Variants in ANO4 observed in about 807,000 individuals in gnomAD.
ANO4 encodes anoctamin 4, also known as anoctamin-4.
A neutral mutation model predicts 141.9 loss-of-function variants in ANO4; 69 were observed. The observed-to-expected ratio is 0.49, with a 90% CI of 0.40 to 0.59. The LOEUF is 0.59. Ranked by LOEUF, ANO4 falls within the 20% of genes least tolerant of loss-of-function variation. The pLI is 0.00. For missense variants in ANO4, 894 were observed against 1,162.2 expected (o/e 0.77, Z 3.36); for synonymous variants, 350 against 394.3 (o/e 0.89, Z 1.33).
In ANO4 at chr12:101,094,271, G is replaced by T; in HGVS notation, c.1717G>T (p.Ala573Ser). 1 of 1,611,344 alleles carries T rather than the reference G, an allele frequency of 6.2e-7. No individual in the cohort carries two copies. Among genetic ancestry groups the T allele is most frequent in the Non-Finnish European group, 8.5e-7 (1 of 1,177,906 alleles). Residue 573 changes from alanine (A) to serine (S), a missense_variant, in exon 18 of 28, where the codon GCC becomes TCC. Coordinates refer to ENST00000392977, the MANE Select transcript of ANO4 (RefSeq NM_001286615.2). ...TATTTTACAGCTCTATGAAAAAGTT[G>T]CCCTGCTTCTGACGAATTTAGGTGA... ...MLLNVLYEKV[A>S]LLLTNLEQPR...
intron 2 of ANO4, among the ~76,000 whole-genome samples, chr12:100,734,145 G>T (rs1225174139): frequency 6.6e-6 from 1 of 152,148 alleles, no homozygotes; most frequent in African/African-American, 2.4e-5. Flanking sequence ...TGTAGCACCT[G>T]TACTATTATG....
chr12:101,092,417 A>G (rs1005008977), intron 17 of ANO4, among the ~76,000 whole-genome samples: 2 of 152,106 alleles, frequency 1.3e-5, no homozygotes, highest in Admixed American at 6.6e-5. Context: ...GGAAACTTAG[A>G]TTTTCCACTG....
chr12:100,777,919 A>AT (rs373496240), intron 3 of ANO4, among the ~76,000 whole-genome samples: 341 of 134,896 alleles, frequency 2.5e-3, no homozygotes, highest in Middle Eastern at 7.8e-3. Flanking sequence ...AATGCTTACA[A>AT]TTTTTTTTTT....
intron 6 of ANO4, 24 bp downstream of exon 6, chr12:100,971,430 C>T (rs2043931049): frequency 1.4e-6 from 2 of 1,469,878 alleles, no homozygotes; most frequent in Non-Finnish European, 1.9e-6. Context: ...TATTTTATTC[C>T]ACTCTCTCTG....
intron 9 of ANO4, among the ~76,000 whole-genome samples, chr12:101,022,152 A>G (rs534457191): frequency 1.0e-3 from 153 of 152,114 alleles, no homozygotes; most frequent in Non-Finnish European, 1.8e-3. Flanking sequence ...CTGGAATATT[A>G]TGTTTTGTGA....
chr12:100,902,335 T>C (rs999544680), intron 2 of ANO4, among the ~76,000 whole-genome samples: 1 of 152,230 alleles, frequency 6.6e-6, no homozygotes, highest in African/African-American at 2.4e-5. Flanking sequence ...CTGTGATCTC[T>C]TTAAAATATT....
intron 2 of ANO4, among the ~76,000 whole-genome samples, chr12:100,738,585 A>G (rs1195811362): frequency 6.6e-6 from 1 of 152,118 alleles, no homozygotes; most frequent in African/African-American, 2.4e-5. Flanking sequence ...CTGAAATCTT[A>G]GAGAGTCCAG....
chr12:100,928,866 C>A (rs2041978957), intron 3 of ANO4, among the ~76,000 whole-genome samples: 1 of 152,154 alleles, frequency 6.6e-6, no homozygotes, highest in Admixed American at 6.6e-5. Flanking sequence ...TTAATGATCT[C>A]AACCCCATTG....
In ANO4 at chr12:101,080,900, T is replaced by TATATATATACACAC. The variant is rs1194122665; in HGVS notation, c.1395+1626_1395+1627insTATATATACACACA. ...TATATATATTATATATATATATATA[T>TATATATATACACAC]ACATACACATATACATATATATAAA... On this transcript the variant is annotated intron_variant, in intron 15 of 27. Coordinates refer to ENST00000392977, the MANE Select transcript of ANO4 (RefSeq NM_001286615.2). Among the ~76,000 whole-genome samples the TATATATATACACAC allele has an allele frequency of 8.5e-4, 112 of 131,028 alleles. 1 individual carries two copies. Among genetic ancestry groups the TATATATATACACAC allele is most frequent in the Non-Finnish European group, 1.4e-3 (84 of 62,078 alleles). The allele number at this position is 131,028 out of a possible 152,430, so 86.0% of individuals were successfully genotyped here. A position where few individuals can be genotyped will look rare whatever the true frequency, so the allele number is the denominator to read the frequency against.
chr12:100,824,294 G>C (rs1048671912), intron 1 of ANO4, among the ~76,000 whole-genome samples: 1 of 151,972 alleles, frequency 6.6e-6, no homozygotes, highest in Non-Finnish European at 1.5e-5. Context: ...GTACTGCAGA[G>C]TAAGAGATCA....
intron 5 of ANO4, among the ~76,000 whole-genome samples, chr12:100,957,848 C>T (rs984087161): frequency 1.3e-5 from 2 of 152,208 alleles, no homozygotes; most frequent in African/African-American, 4.8e-5. Context: ...GTTGTGGCAA[C>T]ACAAAATAAA....
chr12:100,763,540 C>T (rs1258002233), intron 3 of ANO4, among the ~76,000 whole-genome samples: 3 of 152,236 alleles, frequency 2.0e-5, no homozygotes, highest in Non-Finnish European at 2.9e-5. Flanking sequence ...CCTTACACAT[C>T]ATTCCCCTTC....
chr12:100,831,815 T>C (rs1479681750), intron 1 of ANO4, among the ~76,000 whole-genome samples: 1 of 152,106 alleles, frequency 6.6e-6, no homozygotes, highest in Non-Finnish European at 1.5e-5. Context: ...ATTTCACTTT[T>C]CTGGGCTGTG....
intron 1 of ANO4, among the ~76,000 whole-genome samples, chr12:100,896,137 C>A (rs1045404529): frequency 6.6e-6 from 1 of 152,094 alleles, no homozygotes; most frequent in Non-Finnish European, 1.5e-5. Flanking sequence ...TAATGGCTCC[C>A]AAATATCTGT....
chr12:100,936,015 C>T (rs1184659640), intron 3 of ANO4, among the ~76,000 whole-genome samples: 6 of 152,250 alleles, frequency 3.9e-5, no homozygotes, highest in African/African-American at 1.4e-4. Flanking sequence ...GACATTCTCT[C>T]ACAGCAGACT....
At chr12:100,895,792 C>T (rs2040321091) in intron 1 of ANO4, among the ~76,000 whole-genome samples, 1 of 152,000 alleles carries the variant, frequency 6.6e-6, no homozygotes, top group African/African-American at 2.4e-5. Flanking sequence ...AAACTCCTGA[C>T]CTCAGATGAT....
At chr12:101,112,176 G>T (rs1229290459) in intron 24 of ANO4, among the ~76,000 whole-genome samples, 1 of 152,146 alleles carries the variant, frequency 6.6e-6, no homozygotes, top group Non-Finnish European at 1.5e-5. Context: ...ACGGAACTAG[G>T]TACTGAGTAC....
intron 1 of ANO4, among the ~76,000 whole-genome samples, chr12:100,723,028 A>G (rs1489644090): frequency 6.6e-6 from 1 of 152,008 alleles, no homozygotes; most frequent in Non-Finnish European, 1.5e-5. Context: ...TTATTATGCA[A>G]GCAAGACACT....
chr12:100,862,165 G>A (rs1206321446), intron 1 of ANO4, among the ~76,000 whole-genome samples: 1 of 152,082 alleles, frequency 6.6e-6, no homozygotes, highest in Non-Finnish European at 1.5e-5. Flanking sequence ...GGGCTCAAGC[G>A]ATCCTCTCAC....
Sources: allele counts gnomAD v4.1 joint callset (sites outside exome capture counted in the v4.1 genomes callset), GRCh38; gene constraint gnomAD v4.1.1; transcripts MANE v1.5; gene names NCBI Gene and HGNC (gene_info 2026-07-23, HGNC 2026-07-21).